Variants in PTBP3 observed in about 807,000 individuals in gnomAD.
PTBP3 encodes the protein polypyrimidine tract binding protein 3, also known as polypyrimidine tract-binding protein 3.
Under a neutral mutation model 58.7 loss-of-function variants are expected in PTBP3, and 20 were observed. The observed-to-expected ratio is 0.34, with a 90% CI of 0.24 to 0.50. PTBP3 has a LOEUF of 0.50. Ranked by LOEUF, PTBP3 falls within the 20% of genes least tolerant of loss-of-function variation. The pLI is 0.98. For synonymous variants in PTBP3, 185 were observed against 219.8 expected, an observed-to-expected ratio of 0.84 and a Z score of 1.40; for missense variants, 509 against 637.2, an observed-to-expected ratio of 0.80 and a Z score of 2.17.
At chr9:112,290,946 G>T (rs561170430) in intron 2 of PTBP3, among the ~76,000 whole-genome samples, 146 of 152,150 alleles carry the variant, frequency 9.6e-4, no homozygotes, top group Non-Finnish European at 1.8e-3. Context: ...ATGTGGCCGG[G>T]CACAGTGGCT....
chr9:112,297,905 A>T lies in PTBP3; in HGVS notation c.-40T>A. 1 of 1,613,066 alleles carries T rather than the reference A, an allele frequency of 6.2e-7. No homozygotes were observed. Among genetic ancestry groups the T allele is most frequent in the Non-Finnish European group, 8.5e-7 (1 of 1,179,514 alleles). ...TAATGATGCCAGAAGAAAGAAGCTC[A>T]TCAGATCCCCGCTGAAAAGCAAAAC... On this transcript the variant is annotated 5_prime_UTR_variant, in exon 2 of 14. It removes an upstream start codon present in the reference 5' UTR. Coordinates refer to ENST00000374257, the MANE Select transcript of PTBP3 (RefSeq NM_001163788.4).
intron 1 of PTBP3, among the ~76,000 whole-genome samples, chr9:112,316,770 A>G (rs10817316): frequency 0.84 from 127,580 of 151,796 alleles, 53,902 homozygotes; most frequent in African/African-American, 0.92. Flanking sequence ...TCAGGAGGTC[A>G]AGAGTGGTGT....
intron 1 of PTBP3, among the ~76,000 whole-genome samples, chr9:112,304,075 G>A (rs1222336559): frequency 2.0e-5 from 3 of 151,790 alleles, no homozygotes; most frequent in Admixed American, 1.3e-4. Flanking sequence ...GCTGAGGCAC[G>A]AGAATCACTT....
intron 1 of PTBP3, among the ~76,000 whole-genome samples, chr9:112,312,592 T>TAAAC (rs3032066): frequency 0.84 from 125,474 of 149,412 alleles, 52,976 homozygotes; most frequent in African/African-American, 0.92. Flanking sequence ...GGGGAAATGA[T>TAAAC]AAATGAAAAA....
intron 2 of PTBP3, chr9:112,281,054 T>C (rs1051513444): frequency 5.3e-5 from 8 of 152,142 alleles, no homozygotes; most frequent in African/African-American, 1.9e-4. Context: ...GTACCTGTAG[T>C]CTCAGCTACT....
rs780602904 is a variant in PTBP3, at chr9:112,275,873, T to C, written c.175A>G (p.Asn59Asp). 7.4e-6 allele frequency: 12 copies of C among 1,613,494 alleles called. No homozygotes were observed. Among genetic ancestry groups the C allele is most frequent in the Non-Finnish European group, 1.0e-5 (12 of 1,179,658 alleles). The stretch of plus-strand genomic sequence containing the variant: ...CTTTTTCCTTTCAACATCAAAAGAT[T>C]AGTTACTTTGCCAAATGGTAGACCT... Reference protein sequence around the residue: ...SLGLPFGKVTNLLMLKGKSQA... With the variant: ...SLGLPFGKVTDLLMLKGKSQA... Residue 59 changes from asparagine (N) to aspartate (D), a missense_variant, in exon 3 of 14, where the codon AAT (asparagine) becomes GAT (aspartate). Around this residue, in one of 4 missense-constraint regions of PTBP3, gnomAD observed 212 missense variants for 215.3 expected, o/e 0.98. Transcript: ENST00000374257.
chr9:112,363,898 G>A, the PTBP3 span, among the ~76,000 whole-genome samples: 4 of 152,254 alleles, frequency 2.6e-5, no homozygotes, highest in African/African-American at 9.6e-5. Flanking sequence ...TGTACCTTCT[G>A]TGAATTTTGA....
At chr9:112,361,350 C>T in the PTBP3 span, among the ~76,000 whole-genome samples, 2 of 152,132 alleles carry the variant, frequency 1.3e-5, no homozygotes, top group Non-Finnish European at 1.5e-5. Context: ...CTGCCCATCT[C>T]GGCCTCCCAA....
the PTBP3 span, among the ~76,000 whole-genome samples, chr9:112,357,331 G>T: frequency 6.6e-6 from 1 of 151,838 alleles, no homozygotes; most frequent in Non-Finnish European, 1.5e-5. Context: ...TGTTCTTTTT[G>T]TGTTGTTGTT....
At chr9:112,378,984 C>G in the PTBP3 span, among the ~76,000 whole-genome samples, 20 of 152,268 alleles carry the variant, frequency 1.3e-4, no homozygotes, top group African/African-American at 4.8e-4. Context: ...GTCAGGAGCT[C>G]GAGACCAGCC....
intron 1 of PTBP3, among the ~76,000 whole-genome samples, chr9:112,320,312 A>ATTTT (rs1211297585): frequency 2.1e-5 from 1 of 47,630 alleles, no homozygotes; most frequent in African/African-American, 1.3e-4. Context: ...ATATATATAT[A>ATTTT]TATTTTTTTT....
intron 10 of PTBP3, among the ~76,000 whole-genome samples, chr9:112,230,083 T>G (rs574553551): frequency 7.6e-4 from 115 of 152,302 alleles, no homozygotes; most frequent in African/African-American, 2.6e-3. Flanking sequence ...GCCACACAAC[T>G]GTGAATTTAC....
intron 5 of PTBP3, among the ~76,000 whole-genome samples, chr9:112,258,071 A>C (rs1164063163): frequency 6.6e-6 from 1 of 152,132 alleles, no homozygotes; most frequent in Non-Finnish European, 1.5e-5. Context: ...CCAGAATTTC[A>C]TATTACTAGG....
chr9:112,289,744 T>A (rs571274040), intron 2 of PTBP3, among the ~76,000 whole-genome samples: 1 of 152,060 alleles, frequency 6.6e-6, no homozygotes, highest in Non-Finnish European at 1.5e-5. Context: ...ATTACGTGAT[T>A]ATGTGATTAC....
intron 1 of PTBP3, among the ~76,000 whole-genome samples, chr9:112,316,207 C>G (rs915605793): frequency 1.3e-5 from 2 of 152,134 alleles, no homozygotes; most frequent in Non-Finnish European, 2.9e-5. Flanking sequence ...GAATTCATGT[C>G]CAAGTGTAAT....
At chr9:112,353,693 A>T in the PTBP3 span, among the ~76,000 whole-genome samples, 1 of 152,030 alleles carries the variant, frequency 6.6e-6, no homozygotes, top group Non-Finnish European at 1.5e-5. Flanking sequence ...GAAGTAAATA[A>T]ATATAATATA....
In PTBP3 at chr9:112,221,620, C is replaced by G; in HGVS notation, c.*2231G>C. On this transcript the variant is annotated 3_prime_UTR_variant, in exon 14 of 14. Transcript: ENST00000374257. ...CTTCATATACCCCTTGTGTCTAGGTCAAAACTTATTTCATAAGTAAAAAAA... is the reference window on the plus strand; with the variant it reads ...CTTCATATACCCCTTGTGTCTAGGTGAAAACTTATTTCATAAGTAAAAAAA... 1 of 985,226 alleles carries G rather than the reference C, an allele frequency of 1.0e-6. No individual in the cohort carries two copies. The highest frequency in any genetic ancestry group is 1.2e-6 in the Non-Finnish European group (1 of 829,854). The allele number at this position is 985,226 out of a possible 1,614,324, so 61.0% of individuals were successfully genotyped here. A position where few individuals can be genotyped will look rare whatever the true frequency, so the allele number is the denominator to read the frequency against.
intron 1 of PTBP3, among the ~76,000 whole-genome samples, chr9:112,316,884 A>C (rs2132418576): frequency 6.6e-6 from 1 of 152,028 alleles, no homozygotes; most frequent in East Asian, 1.9e-4. Context: ...AGGCAGGAAA[A>C]TCGCTTGAAC....
intron 1 of PTBP3, among the ~76,000 whole-genome samples, chr9:112,317,340 G>A (rs1182323984): frequency 2.0e-5 from 3 of 152,034 alleles, no homozygotes; most frequent in East Asian, 3.9e-4. Context: ...AGGATCACTT[G>A]AGCCCAGGAT....
Sources: gnomAD v4.1 joint callset for allele counts (sites outside exome capture counted in the v4.1 genomes callset) on GRCh38, gnomAD v4.1.1 for gene constraint, gnomAD v4.1.1 regional missense constraint, MANE v1.5 for transcripts, NCBI Gene and HGNC (gene_info 2026-07-23, HGNC 2026-07-21) for gene names.